CADPS2: variants seen among roughly 807,000 people sequenced by gnomAD.
CADPS2 encodes calcium-dependent secretion activator 2.
CADPS2 carries 93 observed loss-of-function variants against 172.5 expected under a neutral mutation model. That is an observed-to-expected ratio of 0.54 (90% CI 0.46 to 0.64). CADPS2 has a LOEUF of 0.64. CADPS2 is among the 30% of genes least tolerant of loss of function. The pLI, the probability that CADPS2 is intolerant of heterozygous loss-of-function variation, is 0.00. For missense variants in CADPS2, 1,420 were observed against 1,565.9 expected, an observed-to-expected ratio of 0.91 and a Z score of 1.57; for synonymous variants, 546 against 555.2, an observed-to-expected ratio of 0.98 and a Z score of 0.23.
intron 3 of CADPS2, among the ~76,000 whole-genome samples, chr7:122,641,239 T>G (rs1563935411): frequency 6.6e-6 from 1 of 152,210 alleles, no homozygotes; most frequent in East Asian, 1.9e-4. Context: ...ATGTGTATCT[T>G]TATTATCTGC....
intron 8 of CADPS2, among the ~76,000 whole-genome samples, chr7:122,535,410 A>T (rs1444920442): frequency 6.6e-6 from 1 of 152,036 alleles, no homozygotes; most frequent in Non-Finnish European, 1.5e-5. Flanking sequence ...AAATGTATTT[A>T]ATCTACTATA....
chr7:122,726,363 C>G (rs1374674117), intron 2 of CADPS2, among the ~76,000 whole-genome samples: 1 of 151,924 alleles, frequency 6.6e-6, no homozygotes, highest in Non-Finnish European at 1.5e-5. Flanking sequence ...CACAGGCTTG[C>G]GTACGTTACT....
At chr7:122,786,590 T>C (rs543201905) in intron 1 of CADPS2, among the ~76,000 whole-genome samples, 2 of 152,328 alleles carry the variant, frequency 1.3e-5, no homozygotes, top group East Asian at 1.9e-4. Context: ...GAGATAAATA[T>C]ATGGCACAAC....
At chr7:122,582,566 C>G (rs1046618429) in intron 6 of CADPS2, among the ~76,000 whole-genome samples, 3 of 151,750 alleles carry the variant, frequency 2.0e-5, no homozygotes, top group African/African-American at 7.3e-5. Context: ...AGATGGTTTA[C>G]ATAAAGCAAT....
intron 6 of CADPS2, among the ~76,000 whole-genome samples, chr7:122,586,631 C>T (rs1224286335): frequency 6.6e-6 from 1 of 151,902 alleles, no homozygotes; most frequent in Admixed American, 6.6e-5. Flanking sequence ...AGAAAACAGA[C>T]ATTTTCATCT....
At chr7:122,352,327 T>C (rs1216864918) in intron 27 of CADPS2, among the ~76,000 whole-genome samples, 1 of 152,238 alleles carries the variant, frequency 6.6e-6, no homozygotes, top group African/African-American at 2.4e-5. Context: ...CTTGAAGAAG[T>C]AAAATTAAAA....
At chr7:122,713,999 T>G (rs2089209108) in intron 2 of CADPS2, among the ~76,000 whole-genome samples, 1 of 152,082 alleles carries the variant, frequency 6.6e-6, no homozygotes. Context: ...CTCCAACTAA[T>G]TATTACATTC....
chr7:122,645,122 T>G (rs2078161075), intron 3 of CADPS2, among the ~76,000 whole-genome samples: 2 of 151,172 alleles, frequency 1.3e-5, no homozygotes, highest in African/African-American at 4.9e-5. Context: ...ATAAGAAGTT[T>G]AACCTCATAC....
intron 3 of CADPS2, among the ~76,000 whole-genome samples, chr7:122,649,054 G>T (rs1416584551): frequency 6.6e-6 from 1 of 151,528 alleles, no homozygotes; most frequent in East Asian, 1.9e-4. Context: ...TCATTCCTTT[G>T]CTTATACCCC....
At chr7:122,733,431 A>G (rs900959916) in intron 2 of CADPS2, among the ~76,000 whole-genome samples, 1 of 150,240 alleles carries the variant, frequency 6.7e-6, no homozygotes, top group Non-Finnish European at 1.5e-5. Context: ...CATGGAACAT[A>G]CATTCTAGAA....
chr7:122,461,199 G>C (rs761633461), intron 14 of CADPS2, among the ~76,000 whole-genome samples: 1 of 152,120 alleles, frequency 6.6e-6, no homozygotes, highest in Non-Finnish European at 1.5e-5. Context: ...AAAATACGTA[G>C]ATAGAATACA....
chr7:122,480,594 T>C (rs985898218), intron 12 of CADPS2, among the ~76,000 whole-genome samples: 1 of 152,180 alleles, frequency 6.6e-6, no homozygotes, highest in African/African-American at 2.4e-5. Context: ...ATATTGACCA[T>C]TTGTTTTGCA....
chr7:122,702,800 A>G, intron 2 of CADPS2: 2 of 1,334,868 alleles, frequency 1.5e-6, no homozygotes, highest in East Asian at 2.5e-5. Flanking sequence ...AAACAACATC[A>G]GTTGTAGAAG....
intron 3 of CADPS2, among the ~76,000 whole-genome samples, chr7:122,648,538 G>A (rs1057279004): frequency 1.3e-5 from 2 of 151,974 alleles, no homozygotes; most frequent in Non-Finnish European, 2.9e-5. Context: ...GCCTAGAAAA[G>A]TGCCCGAGTA....
chr7:122,539,401 T>C (rs1359355279), intron 8 of CADPS2, among the ~76,000 whole-genome samples: 1 of 152,148 alleles, frequency 6.6e-6, no homozygotes, highest in Non-Finnish European at 1.5e-5. Flanking sequence ...TAAATTTCTG[T>C]TCATTATAAA....
At chr7:122,538,908 C>G (rs916356945) in intron 8 of CADPS2, among the ~76,000 whole-genome samples, 3 of 151,916 alleles carry the variant, frequency 2.0e-5, no homozygotes, top group Admixed American at 2.0e-4. Flanking sequence ...GTAGTAGACA[C>G]TGTGGTATGC....
At chr7:122,764,197 A>G (rs1483758164) in intron 1 of CADPS2, among the ~76,000 whole-genome samples, 1 of 152,010 alleles carries the variant, frequency 6.6e-6, no homozygotes, top group Non-Finnish European at 1.5e-5. Context: ...GCCTTATCTG[A>G]TCCCTAAGGC....
At chr7:122,883,917 C>T (rs1823607318) in intron 1 of CADPS2, among the ~76,000 whole-genome samples, 1 of 151,952 alleles carries the variant, frequency 6.6e-6, no homozygotes. Context: ...AAGGTTATAA[C>T]AATAGTCTCC....
intron 28 of CADPS2, among the ~76,000 whole-genome samples, chr7:122,344,531 G>C (rs937047610): frequency 2.0e-5 from 3 of 151,914 alleles, no homozygotes; most frequent in African/African-American, 7.3e-5. Context: ...GAAGACCTTA[G>C]TGCTGATAAA....
Sources: gnomAD v4.1 joint callset for allele counts (sites outside exome capture counted in the v4.1 genomes callset) on GRCh38, gnomAD v4.1.1 for gene constraint, MANE v1.5 for transcripts, NCBI Gene and HGNC (gene_info 2026-07-23, HGNC 2026-07-21) for gene names.